Variants in SCN10A observed in about 807,000 individuals in gnomAD.
SCN10A encodes the protein sodium voltage-gated channel alpha subunit 10, also known as sodium channel protein type 10 subunit alpha.
A neutral mutation model predicts 170.7 loss-of-function variants in SCN10A; 162 were observed. That is an observed-to-expected ratio of 0.95 (90% CI 0.84 to 1.08). The LOEUF is 1.08. SCN10A is among the 50% of genes least tolerant of loss of function. The pLI is 0.00. For missense variants in SCN10A, 2,527 were observed against 2,436.9 expected (o/e 1.04, Z -0.78); for synonymous variants, 985 against 904.6 (o/e 1.09, Z -1.59).
At position 38,742,422 on chromosome 3, in the gene SCN10A, A is replaced by C. The variant is rs758401577; in HGVS notation, c.1975T>G (p.Phe659Val). ...GCAAAGGGATCCGTCACAAGCCCAAAGAGAATTGTCTTGAGCTTCACCCAC... is the reference window on the plus strand; with the variant it reads ...GCAAAGGGATCCGTCACAAGCCCAACGAGAATTGTCTTGAGCTTCACCCAC... ...PMWVKLKTIL[F>V]GLVTDPFAEL... The change falls in exon 14 of 28, where the codon TTT (phenylalanine) becomes GTT (valine). Residue 659 changes from phenylalanine to valine, a missense_variant. By Grantham distance (50) the Phe-to-Val change is conservative. Transcript: ENST00000449082. The C allele has an allele frequency of 6.2e-7, 1 of 1,614,152 alleles. No homozygotes were observed. The highest frequency in any genetic ancestry group is 1.3e-5 in the African/African-American group (1 of 75,050).
intron 12 of SCN10A, among the ~76,000 whole-genome samples, chr3:38,751,071 G>T (rs1396213841): frequency 6.6e-6 from 1 of 152,194 alleles, no homozygotes; most frequent in African/African-American, 2.4e-5. Context: ...GGCCAGGTTT[G>T]GTTAATGGGA....
Position 38,726,953 on chromosome 3 carries a change from G to T in SCN10A, c.2740C>A (p.Leu914Met). Residue 914 changes from leucine (L) to methionine (M), a missense_variant, in exon 17 of 28, where the codon CTG becomes ATG. Transcript: ENST00000449082. Reference protein sequence around the residue: ...DGEVNNLQVALARIQVFGHRT... With the variant: ...DGEVNNLQVAMARIQVFGHRT... ...TGGCCAAAGACCTGGATCCGTGCCA[G>T]GGCCACCTGCAGGTTGTTCACCTCC... 1 of 1,614,252 alleles carries T rather than the reference G, an allele frequency of 6.2e-7. No homozygotes were observed. The highest frequency in any genetic ancestry group is 8.5e-7 in the Non-Finnish European group (1 of 1,180,044).
chr3:38,768,502 T>C (rs973247350), intron 5 of SCN10A, among the ~76,000 whole-genome samples: 3 of 152,204 alleles, frequency 2.0e-5, no homozygotes, highest in African/African-American at 7.2e-5. Flanking sequence ...TTATGAAGCT[T>C]AGTTTCTCTT....
intron 14 of SCN10A, among the ~76,000 whole-genome samples, chr3:38,741,844 A>G (rs930057032): frequency 2.6e-5 from 4 of 152,168 alleles, no homozygotes; most frequent in Non-Finnish European, 5.9e-5. Flanking sequence ...TTAAGTGACA[A>G]CATTGAAAAT....
intron 4 of SCN10A, among the ~76,000 whole-genome samples, chr3:38,775,312 A>G (rs1242916218): frequency 6.6e-6 from 1 of 152,136 alleles, no homozygotes; most frequent in Non-Finnish European, 1.5e-5. Context: ...CTAGGTACCT[A>G]CTAAAGGTGG....
At chr3:38,807,543 C>T (rs911314024) in intron 1 of SCN10A, among the ~76,000 whole-genome samples, 1 of 152,140 alleles carries the variant, frequency 6.6e-6, no homozygotes, top group South Asian at 2.1e-4. Flanking sequence ...TTGAAATCCT[C>T]TCTCTGTTCC....
chr3:38,707,779 C>G (rs2063226681), intron 25 of SCN10A, among the ~76,000 whole-genome samples: 2 of 152,160 alleles, frequency 1.3e-5, no homozygotes, highest in Non-Finnish European at 2.9e-5. Flanking sequence ...CAAGAGATTT[C>G]CTGAGGACCT....
In SCN10A at chr3:38,725,162, T is replaced by C; in HGVS notation, c.3228+12A>G. The C allele has an allele frequency of 6.3e-7, 1 of 1,574,982 alleles. No homozygotes were observed. The highest frequency in any genetic ancestry group is 8.7e-7 in the Non-Finnish European group (1 of 1,151,558). ...TGGCTGTCCAACCTCTCCAGGAAGC[T>C]GACATACCTACCTCAGCAGGGACCT... On this transcript the variant is annotated intron_variant, in intron 18 of 27. Coordinates refer to ENST00000449082, the MANE Select transcript of SCN10A (RefSeq NM_006514.4).
At position 38,793,941 on chromosome 3, in the gene SCN10A, T is replaced by C; in HGVS notation, c.70A>G (p.Ile24Val). 1 of 1,614,038 alleles carries C rather than the reference T, an allele frequency of 6.2e-7. No homozygotes were observed. ...TGCTTGGCAGCAATTTGCTTCTCTA[T>C]CTCCACCAGTGACTCCGGAGTAAAG... ...RRFTPESLVEIEKQIAAKQGT... is the reference protein window; with the variant it reads ...RRFTPESLVEVEKQIAAKQGT... The change falls in exon 2 of 28, where the codon ATA becomes GTA. Residue 24 changes from isoleucine to valine, a missense_variant. By Grantham distance (29) the Ile-to-Val change is conservative (BLOSUM62 3). Transcript: ENST00000449082.
chr3:38,772,740 A>C (rs1022164879), intron 4 of SCN10A, among the ~76,000 whole-genome samples: 6 of 144,626 alleles, frequency 4.1e-5, no homozygotes, highest in South Asian at 4.3e-4. Context: ...CAAAAACAAA[A>C]AAAAAAAAAC....
chr3:38,790,433 G>A lies in SCN10A; in HGVS notation c.390-1397C>T, dbSNP rs538826221. 5.9e-5 allele frequency among the ~76,000 whole-genome samples: 9 copies of A among 151,990 alleles called. No homozygotes were observed. In the East Asian group the frequency reaches 1.7e-3, roughly 30 times the overall value. On this transcript the variant is annotated intron_variant, in intron 3 of 27. Coordinates refer to ENST00000449082, the MANE Select transcript of SCN10A (RefSeq NM_006514.4). Reference sequence around the variant, plus strand: ...TTATTTACTCATCAAATCTCAAGATGAAGAGAATATTCACTGGTCACTTGG... The same window carrying A: ...TTATTTACTCATCAAATCTCAAGATAAAGAGAATATTCACTGGTCACTTGG...
intron 4 of SCN10A, among the ~76,000 whole-genome samples, chr3:38,784,204 C>G (rs1402886747): frequency 6.6e-6 from 1 of 152,048 alleles, no homozygotes; most frequent in Non-Finnish European, 1.5e-5. Flanking sequence ...CTTCTTGTGT[C>G]ATATGTAATA....
intron 1 of SCN10A, among the ~76,000 whole-genome samples, chr3:38,801,086 GAGATTAC>G (rs1244395762): frequency 2.0e-5 from 3 of 152,150 alleles, no homozygotes; most frequent in Non-Finnish European, 4.4e-5. Context: ...GGGTCTCCCT[GAGATTAC>G]AGTGGGCAAG....
intron 5 of SCN10A, among the ~76,000 whole-genome samples, chr3:38,770,025 T>C (rs1299164858): frequency 2.0e-5 from 3 of 152,210 alleles, no homozygotes; most frequent in African/African-American, 7.2e-5. Context: ...GTGCTGGCTT[T>C]CTTGAATGCT....
At chr3:38,791,554 T>C (rs894110572) in intron 3 of SCN10A, among the ~76,000 whole-genome samples, 2 of 152,226 alleles carry the variant, frequency 1.3e-5, no homozygotes, top group Non-Finnish European at 2.9e-5. Context: ...CTTCCCATCA[T>C]GGTCTGTTTT....
chr3:38,700,209 T>C (rs1468321164), intron 27 of SCN10A, among the ~76,000 whole-genome samples: 1 of 152,134 alleles, frequency 6.6e-6, no homozygotes, highest in Non-Finnish European at 1.5e-5. Context: ...AACGACATGA[T>C]TGCATTTATA....
rs565704817 is a variant in SCN10A, at chr3:38,746,538, A to G, written c.1867+3535T>C. Among the ~76,000 whole-genome samples the G allele has an allele frequency of 5.0e-4, 76 of 152,128 alleles. 1 individual carries two copies. Among genetic ancestry groups the G allele is most frequent in the African/African-American group, 1.3e-3 (55 of 41,504 alleles). On this transcript the variant is annotated intron_variant, in intron 13 of 27. Transcript: ENST00000449082. ...TGCAAATGTAACTTCCCTGCCTCCA[A>G]TCCTTTAATGGCACCTCACTCCTCT...
chr3:38,812,151 A>G (rs2064445100), intron 1 of SCN10A, among the ~76,000 whole-genome samples: 1 of 152,242 alleles, frequency 6.6e-6, no homozygotes. Flanking sequence ...GTGTTTAAAA[A>G]TTGAACAAAA....
chr3:38,710,662 C>T (rs915796361), intron 24 of SCN10A, among the ~76,000 whole-genome samples, 182 bp downstream of exon 24: 2 of 150,542 alleles, frequency 1.3e-5, no homozygotes, highest in African/African-American at 4.9e-5. Context: ...GGGGGAAAGC[C>T]TCGGTGGCTG....
Sources: allele counts gnomAD v4.1 joint callset (sites outside exome capture counted in the v4.1 genomes callset), GRCh38; gene constraint gnomAD v4.1.1; transcripts MANE v1.5; gene names NCBI Gene and HGNC (gene_info 2026-07-23, HGNC 2026-07-21).